Variants in ITM2B observed in about 807,000 individuals in gnomAD.
ITM2B encodes the protein integral membrane protein 2B, also known as ABri/ADan amyloid peptide.
ITM2B carries 11 observed loss-of-function variants against 27.8 expected under a neutral mutation model. The ratio of observed to expected loss-of-function variants is 0.40; its 90% CI spans 0.25 to 0.66. The LOEUF is 0.66. ITM2B is among the 30% of genes least tolerant of loss of function. ITM2B has a pLI of 0.43. For missense variants in ITM2B, 296 were observed against 328.9 expected (o/e 0.90, Z 0.77); for synonymous variants, 114 against 114.3 (o/e 1.00, Z 0.02).
intron 4 of ITM2B, 46 bp downstream of exon 4, chr13:48,258,282 T>C (rs775340349): frequency 2.1e-6 from 2 of 953,762 alleles, no homozygotes; most frequent in Middle Eastern, 2.1e-4. Flanking sequence ...CTTCATAGTG[T>C]TCTGGAATTC....
chr13:48,242,389 GTTTC>G (rs534078797), intron 1 of ITM2B, among the ~76,000 whole-genome samples: 149 of 151,356 alleles, frequency 9.8e-4, no homozygotes, highest in African/African-American at 2.9e-3. Context: ...AACTTACCAA[GTTTC>G]TTTCTTTCTT....
intron 2 of ITM2B, among the ~76,000 whole-genome samples, chr13:48,255,170 C>A (rs956785879): frequency 2.0e-5 from 3 of 152,086 alleles, no homozygotes; most frequent in African/African-American, 7.2e-5. Context: ...CACACCATGC[C>A]TGGCCCTGTG....
At chr13:48,236,331 G>A (rs1951668427) in intron 1 of ITM2B, among the ~76,000 whole-genome samples, 2 of 152,122 alleles carry the variant, frequency 1.3e-5, no homozygotes, top group South Asian at 4.1e-4. Flanking sequence ...TGAACCTTGG[G>A]AAATTGTTTT....
intron 1 of ITM2B, among the ~76,000 whole-genome samples, chr13:48,237,748 C>G (rs766291700): frequency 2.0e-5 from 3 of 152,076 alleles, no homozygotes; most frequent in Non-Finnish European, 4.4e-5. Flanking sequence ...TTTTATTTCT[C>G]TTAGTTTTAT....
chr13:48,247,045 C>G (rs1416422717), intron 1 of ITM2B, among the ~76,000 whole-genome samples: 1 of 152,194 alleles, frequency 6.6e-6, no homozygotes, highest in Non-Finnish European at 1.5e-5. Flanking sequence ...CCAGGATGGT[C>G]TCGATCTCCT....
At chr13:48,241,281 G>A (rs935923261) in intron 1 of ITM2B, among the ~76,000 whole-genome samples, 1 of 152,124 alleles carries the variant, frequency 6.6e-6, no homozygotes, top group Non-Finnish European at 1.5e-5. Flanking sequence ...GCATGATCTC[G>A]GCTCACTGCA....
chr13:48,241,444 T>C (rs924463949), intron 1 of ITM2B, among the ~76,000 whole-genome samples: 3 of 152,294 alleles, frequency 2.0e-5, no homozygotes, highest in Admixed American at 2.0e-4. Flanking sequence ...ACTCCTGACC[T>C]CAAGTGGTCC....
chr13:48,238,799 T>A (rs768828212), intron 1 of ITM2B, among the ~76,000 whole-genome samples: 4 of 152,142 alleles, frequency 2.6e-5, no homozygotes, highest in Non-Finnish European at 5.9e-5. Flanking sequence ...TTTATTTGAA[T>A]GATTAACTTT....
At position 48,253,861 on chromosome 13, in the gene ITM2B, G is replaced by A. The variant is rs765682225; in HGVS notation, c.171G>A (p.Met57Ile). 6.2e-7 allele frequency: 1 copy of A among 1,613,754 alleles called. No homozygotes were observed. The highest frequency in any genetic ancestry group is 1.1e-5 in the South Asian group (1 of 91,078). ...VGQRRAWCWCMCFGLAFMLAG... is the reference protein window; with the variant it reads ...VGQRRAWCWCICFGLAFMLAG... ...AAAGAAGAGCCTGGTGTTGGTGCAT[G>A]TGCTTTGGACTAGCATTTATGCTTG... The change falls in exon 2 of 6, where the codon ATG (methionine) becomes ATA (isoleucine). Residue 57 changes from methionine (M) to isoleucine (I), a missense_variant. Physicochemically the swap from Met to Ile is conservative, Grantham distance 10. Transcript: ENST00000647800.
rs1189255680 is a variant in ITM2B, at chr13:48,233,437, C to T, written c.77C>T (p.Ala26Val). 6.5e-7 allele frequency: 1 copy of T among 1,542,034 alleles called. No homozygotes were observed. Among genetic ancestry groups the T allele is most frequent in the Admixed American group, 2.0e-5 (1 of 50,434 alleles). Residue 26 changes from alanine to valine, a missense_variant, in exon 1 of 6, where the codon GCG becomes GTG. Coordinates refer to ENST00000647800, the MANE Select transcript of ITM2B (RefSeq NM_021999.5). ...GACGAGCCCAAGAGCGGCGAGGAGG[C>T]GCTCATCATCCCCCCCGACGCCGTC... ...KKDEPKSGEEALIIPPDAVAV... is the reference protein window; with the variant it reads ...KKDEPKSGEEVLIIPPDAVAV...
chr13:48,235,801 T>A (rs1951664849), intron 1 of ITM2B, among the ~76,000 whole-genome samples: 2 of 152,224 alleles, frequency 1.3e-5, no homozygotes, highest in African/African-American at 4.8e-5. Context: ...CTAGAACTCC[T>A]GAACAAGAAT....
At chr13:48,259,572 T>C (rs1276768902) in intron 5 of ITM2B, among the ~76,000 whole-genome samples, 1 of 152,198 alleles carries the variant, frequency 6.6e-6, no homozygotes, top group African/African-American at 2.4e-5. Context: ...TCAGATACAC[T>C]GTGGTGTGAT....
chr13:48,241,571 C>G (rs1249136205), intron 1 of ITM2B, among the ~76,000 whole-genome samples: 1 of 152,164 alleles, frequency 6.6e-6, no homozygotes, highest in East Asian at 1.9e-4. Flanking sequence ...ACATTTTGCT[C>G]TGAGAACTCC....
intron 1 of ITM2B, among the ~76,000 whole-genome samples, chr13:48,247,990 T>C (rs1593392079): frequency 6.6e-6 from 1 of 152,136 alleles, no homozygotes; most frequent in Non-Finnish European, 1.5e-5. Context: ...ACCAGTTTTA[T>C]TGCAGTAGAA....
intron 1 of ITM2B, among the ~76,000 whole-genome samples, chr13:48,234,621 G>A (rs143120927): frequency 3.4e-3 from 512 of 152,134 alleles, no homozygotes; most frequent in Middle Eastern, 6.9e-3. Context: ...CAATATAATG[G>A]TAATCTAGAC....
At chr13:48,259,822 A>G (rs977609179) in intron 5 of ITM2B, among the ~76,000 whole-genome samples, 3 of 151,964 alleles carry the variant, frequency 2.0e-5, no homozygotes, top group African/African-American at 7.2e-5. Context: ...GTAGTGAGCA[A>G]AGTACCCAAT....
At position 48,261,377 on chromosome 13, in the gene ITM2B, ATTACC is replaced by A; in HGVS notation, c.*157_*161del. 3.3e-6 allele frequency: 2 copies of A among 609,582 alleles called. No individual in the cohort carries two copies. Among genetic ancestry groups the A allele is most frequent in the Non-Finnish European group, 5.8e-6 (2 of 347,146 alleles). 37.8% of individuals were successfully genotyped at this position (609,582 alleles called of 1,614,324 possible). A position where few individuals can be genotyped will look rare whatever the true frequency, so the allele number is the denominator to read the frequency against. ...TCATCTCATTAATTCAATTAAAACC[ATTACC>A]TTAAAATTTTTTTCTTTCGAAGTGT... is the stretch of plus-strand genomic sequence containing the variant. On this transcript the variant is annotated 3_prime_UTR_variant, in exon 6 of 6. Transcript: ENST00000647800.
chr13:48,252,299 G>GTTC (rs557455126), intron 1 of ITM2B, among the ~76,000 whole-genome samples: 76 of 152,306 alleles, frequency 5.0e-4, no homozygotes, highest in Middle Eastern at 3.4e-3. Context: ...CCAAATCTAT[G>GTTC]TTCTAATACC....
chr13:48,244,148 T>C (rs907513925), intron 1 of ITM2B, among the ~76,000 whole-genome samples: 5 of 152,204 alleles, frequency 3.3e-5, no homozygotes, highest in African/African-American at 1.2e-4. Flanking sequence ...TGATCATATA[T>C]TCAGAAGCAC....
Sources: allele counts gnomAD v4.1 joint callset (sites outside exome capture counted in the v4.1 genomes callset), GRCh38; gene constraint gnomAD v4.1.1; transcripts MANE v1.5; gene names NCBI Gene and HGNC (gene_info 2026-07-23, HGNC 2026-07-21).